RIC1: variants seen among roughly 807,000 people sequenced by gnomAD.
The protein encoded by RIC1 is RIC1 partner of RAB6A GEF complex.
Under a neutral mutation model 169.0 loss-of-function variants are expected in RIC1, and 88 were observed. The ratio of observed to expected loss-of-function variants is 0.52; its 90% CI spans 0.44 to 0.62. RIC1 has a LOEUF of 0.62. Among genes scored for constraint, RIC1 ranks in the 20% least tolerant of loss-of-function variants. The pLI, the probability that RIC1 is intolerant of heterozygous loss-of-function variation, is 0.00. For missense variants in RIC1, 1,877 were observed against 1,725.5 expected, an observed-to-expected ratio of 1.09 and a Z score of -1.56; for synonymous variants, 790 against 601.5, an observed-to-expected ratio of 1.31 and a Z score of -4.59.
At chr9:5,687,902 G>C (rs895605401) in intron 2 of RIC1, among the ~76,000 whole-genome samples, 1 of 151,788 alleles carries the variant, frequency 6.6e-6, no homozygotes, top group South Asian at 2.1e-4. Flanking sequence ...TTTTGTTTCT[G>C]TTTTATTTTG....
At chr9:5,640,190 C>T (rs993870603) in intron 1 of RIC1, among the ~76,000 whole-genome samples, 1 of 152,068 alleles carries the variant, frequency 6.6e-6, no homozygotes, top group Non-Finnish European at 1.5e-5. Context: ...TTCTCTGGTG[C>T]TATGATTTAA....
chr9:5,727,996 C>T (rs1824106445), intron 6 of RIC1, among the ~76,000 whole-genome samples: 1 of 152,196 alleles, frequency 6.6e-6, no homozygotes, highest in Non-Finnish European at 1.5e-5. Context: ...GGGTCAGGGA[C>T]CCACTTGAGG....
In RIC1 at chr9:5,720,264, G is replaced by A; in HGVS notation, c.523G>A (p.Gly175Arg). The A allele has an allele frequency of 6.2e-7, 1 of 1,613,632 alleles. No homozygotes were observed. The highest frequency in any genetic ancestry group is 8.5e-7 in the Non-Finnish European group (1 of 1,179,590). Residue 175 changes from glycine to arginine, a missense_variant, in exon 5 of 26, where the codon GGA (glycine) becomes AGA (arginine). Gly to Arg is a moderately radical substitution (Grantham distance 125). Coordinates refer to ENST00000414202, the MANE Select transcript of RIC1 (RefSeq NM_020829.4). The stretch of plus-strand genomic sequence containing the variant: ...TATTCACTGGGAAGGAATGACAAAT[G>A]GAAGGAAAGCCATTAATCTTTGCAC... ...HLIHWEGMTNGRKAINLCTVP... is the reference protein window; with the variant it reads ...HLIHWEGMTNRRKAINLCTVP...
At chr9:5,634,935 T>C (rs771018394) in intron 1 of RIC1, among the ~76,000 whole-genome samples, 1 of 152,196 alleles carries the variant, frequency 6.6e-6, no homozygotes, top group African/African-American at 2.4e-5. Flanking sequence ...TGGGATATTT[T>C]GATACAGGAC....
In RIC1 at chr9:5,762,589, A is replaced by G. The variant is rs1826414748; in HGVS notation, c.2041A>G (p.Met681Val). 6.2e-7 allele frequency: 1 copy of G among 1,614,082 alleles called. No individual in the cohort carries two copies. Among genetic ancestry groups the G allele is most frequent in the Non-Finnish European group, 8.5e-7 (1 of 1,179,938 alleles). Residue 681 changes from methionine to valine, a missense_variant, in exon 18 of 26, where the codon ATG becomes GTG. Transcript: ENST00000414202. ...GTTAAACCTGGCAGGACAGCTCATC[A>G]TGATGCAGAGGGACAGGTCAGGCCC... ...IMLNLAGQLI[M>V]MQRDRSGPQI...
At chr9:5,629,475 C>CT in intron 1 of RIC1, 22 bp downstream of exon 1, 1 of 1,523,992 alleles carries the variant, frequency 6.6e-7, no homozygotes, top group Non-Finnish European at 8.8e-7. Context: ...CGCCCGCCGC[C>CT]TTTCGCCGCT....
intron 3 of RIC1, among the ~76,000 whole-genome samples, chr9:5,698,559 C>G (rs891363424): frequency 6.6e-6 from 1 of 152,120 alleles, no homozygotes; most frequent in Non-Finnish European, 1.5e-5. Context: ...TTCCTACTTT[C>G]TTGTGATATT....
At chr9:5,735,905 T>TA (rs767563470) in intron 7 of RIC1, among the ~76,000 whole-genome samples, 1 of 152,214 alleles carries the variant, frequency 6.6e-6, no homozygotes, top group Non-Finnish European at 1.5e-5. Context: ...TTTGATCACT[T>TA]ATGGTGATAA....
At chr9:5,670,220 T>G (rs1192888228) in intron 2 of RIC1, among the ~76,000 whole-genome samples, 1 of 152,230 alleles carries the variant, frequency 6.6e-6, no homozygotes, top group African/African-American at 2.4e-5. Context: ...TTGAGGCATT[T>G]CAAGTCTGAT....
intron 1 of RIC1, among the ~76,000 whole-genome samples, chr9:5,651,027 C>G (rs1451767060): frequency 6.6e-6 from 1 of 152,148 alleles, no homozygotes; most frequent in East Asian, 1.9e-4. Flanking sequence ...GTTTAGGTCT[C>G]ATGCAGGTGG....
Position 5,654,068 on chromosome 9 carries a change from C to CA in RIC1, c.145-2514dup, listed in dbSNP as rs1367774963. ...AGGCTGGAGTGCAGTGACATGATCT[C>CA]AGCTCACTGCAACCTCTGCCTCCCA... On this transcript the variant is annotated intron_variant, in intron 1 of 25. Coordinates refer to ENST00000414202, the MANE Select transcript of RIC1 (RefSeq NM_020829.4). Among the ~76,000 whole-genome samples the CA allele has an allele frequency of 3.2e-4, 48 of 152,174 alleles. 1 individual carries two copies. Among genetic ancestry groups the CA allele is most frequent in the Admixed American group, 3.0e-3 (46 of 15,272 alleles).
intron 3 of RIC1, among the ~76,000 whole-genome samples, chr9:5,693,544 T>G (rs1287141277): frequency 6.6e-6 from 1 of 152,176 alleles, no homozygotes; most frequent in Non-Finnish European, 1.5e-5. Context: ...TATATTACAT[T>G]ATCTCTTCAT....
At chr9:5,682,225 T>C (rs1218679016) in intron 2 of RIC1, among the ~76,000 whole-genome samples, 2 of 152,184 alleles carry the variant, frequency 1.3e-5, no homozygotes, top group Non-Finnish European at 2.9e-5. Flanking sequence ...TTATTTTGCT[T>C]GTTAGTTGAT....
intron 1 of RIC1, among the ~76,000 whole-genome samples, chr9:5,636,219 T>C (rs188820222): frequency 3.3e-4 from 51 of 152,356 alleles, no homozygotes; most frequent in Admixed American, 1.8e-3. Flanking sequence ...TTGTACCTTC[T>C]TCAGTTTATT....
At chr9:5,693,821 G>C (rs906705377) in intron 3 of RIC1, among the ~76,000 whole-genome samples, 4 of 151,824 alleles carry the variant, frequency 2.6e-5, no homozygotes, top group Middle Eastern at 3.4e-3. Flanking sequence ...TGAGAGCAGA[G>C]ATTTTTTTCC....
intron 1 of RIC1, among the ~76,000 whole-genome samples, chr9:5,637,943 C>T (rs1818056329): frequency 6.6e-6 from 1 of 152,148 alleles, no homozygotes; most frequent in Non-Finnish European, 1.5e-5. Flanking sequence ...AGAGGAAAGG[C>T]TTTCGGTTTT....
At chr9:5,702,497 A>G (rs936748413) in intron 3 of RIC1, among the ~76,000 whole-genome samples, 3 of 149,320 alleles carry the variant, frequency 2.0e-5, no homozygotes, top group Non-Finnish European at 1.5e-5. Flanking sequence ...ACACTTACAC[A>G]CTTTTTTTTT....
chr9:5,664,371 C>G (rs1236310025), intron 2 of RIC1, among the ~76,000 whole-genome samples: 2 of 151,978 alleles, frequency 1.3e-5, no homozygotes. Context: ...TGAGATTGCA[C>G]CACTGCACTC....
At chr9:5,651,064 C>T (rs189231560) in intron 1 of RIC1, among the ~76,000 whole-genome samples, 2 of 152,168 alleles carry the variant, frequency 1.3e-5, no homozygotes, top group Non-Finnish European at 2.9e-5. Flanking sequence ...AGCTCTCTCT[C>T]TGGAGCAGTG....
Sources: gnomAD v4.1 joint callset for allele counts (sites outside exome capture counted in the v4.1 genomes callset) on GRCh38, gnomAD v4.1.1 for gene constraint, MANE v1.5 for transcripts, NCBI Gene and HGNC (gene_info 2026-07-23, HGNC 2026-07-21) for gene names.